The following RAB3GAP1 variants were observed in gnomAD, a reference collection of about 807,000 sequenced individuals.
RAB3GAP1 encodes rab3 GTPase-activating protein catalytic subunit.
RAB3GAP1 carries 86 observed loss-of-function variants against 130.7 expected under a neutral mutation model. That is an observed-to-expected ratio of 0.66 (90% CI 0.55 to 0.79). The LOEUF (loss-of-function observed/expected upper bound fraction) is 0.79, where lower values mean the gene tolerates loss of function less well. Among genes scored for constraint, RAB3GAP1 ranks in the 30% least tolerant of loss-of-function variants. The pLI, the probability that RAB3GAP1 is intolerant of heterozygous loss-of-function variation, is 0.00. For synonymous variants in RAB3GAP1, 367 were observed against 401.7 expected (o/e 0.91, Z 1.03); for missense variants, 1,029 against 1,169.4 (o/e 0.88, Z 1.75).
At chr2:135,074,203 C>T (rs946418854) in intron 3 of RAB3GAP1, among the ~76,000 whole-genome samples, 4 of 152,132 alleles carry the variant, frequency 2.6e-5, no homozygotes, top group Admixed American at 6.5e-5. Context: ...GGCTGCCTTA[C>T]GTGGGAGAAT....
At chr2:135,079,779 A>T (rs567325122) in intron 3 of RAB3GAP1, among the ~76,000 whole-genome samples, 2 of 152,348 alleles carry the variant, frequency 1.3e-5, no homozygotes, top group East Asian at 3.9e-4. Context: ...TCATTTTACC[A>T]CTTAATAGTT....
chr2:135,102,379 T>C (rs942274949), intron 5 of RAB3GAP1, among the ~76,000 whole-genome samples: 6 of 152,258 alleles, frequency 3.9e-5, no homozygotes, highest in Admixed American at 6.5e-5. Context: ...TTGTGAGACC[T>C]GTTTCAGACT....
At chr2:135,141,094 CT>C (rs776446749) in intron 17 of RAB3GAP1, among the ~76,000 whole-genome samples, 4 of 151,030 alleles carry the variant, frequency 2.6e-5, no homozygotes, top group Non-Finnish European at 5.9e-5. Flanking sequence ...TGTTCAAGGC[CT>C]TTGCCTATTT....
chr2:135,081,327 AATATAT>A (rs1214688390), intron 3 of RAB3GAP1, among the ~76,000 whole-genome samples: 47 of 64,046 alleles, frequency 7.3e-4, no homozygotes, highest in South Asian at 6.6e-3. Flanking sequence ...AAAAAAAAAA[AATATAT>A]ATATATATAT....
At chr2:135,152,941 A>C (rs1291989780) in intron 18 of RAB3GAP1, 1 of 152,270 alleles carries the variant, frequency 6.6e-6, no homozygotes, top group East Asian at 1.9e-4. Flanking sequence ...CATCATCATT[A>C]ATTCTATAGA....
chr2:135,072,068 A>G (rs1161871546), intron 3 of RAB3GAP1, among the ~76,000 whole-genome samples: 1 of 152,168 alleles, frequency 6.6e-6, no homozygotes, highest in African/African-American at 2.4e-5. Flanking sequence ...GTGCACCACC[A>G]TGCCTGGCTA....
At chr2:135,176,216 G>T (rs1227883181) in intron 24 of RAB3GAP1, 1 of 152,076 alleles carries the variant, frequency 6.6e-6, no homozygotes, top group Non-Finnish European at 1.5e-5. Context: ...TAAAAGTATG[G>T]TACTACCCTA....
At chr2:135,083,767 GT>G (rs34087354) in intron 3 of RAB3GAP1, among the ~76,000 whole-genome samples, 12,939 of 98,120 alleles carry the variant, frequency 0.13, 979 homozygotes, top group African/African-American at 0.29. Context: ...ACCCAACACG[GT>G]TTTTTTTTTT....
rs759988948 is a variant in RAB3GAP1, at chr2:135,126,686, T to TA, written c.973+31dup. On this transcript the variant is annotated intron_variant, in intron 11 of 23. Coordinates refer to ENST00000264158, the MANE Select transcript of RAB3GAP1 (RefSeq NM_012233.3). ...GGTATATTATGCTCCTTTCCTGAAA[T>TA]ACTGCTGATCTGCCTAACTTCCAAA... 4.5e-6 allele frequency: 7 copies of TA among 1,548,780 alleles called. No individual in the cohort carries two copies. The South Asian group carries it at 6.7e-5, about 15-fold the overall frequency.
At chr2:135,105,925 C>T (rs1182552007) in intron 5 of RAB3GAP1, among the ~76,000 whole-genome samples, 2 of 150,578 alleles carry the variant, frequency 1.3e-5, no homozygotes, top group Non-Finnish European at 3.0e-5. Flanking sequence ...CCGGCCGCCC[C>T]GTCTGAGAAG....
At chr2:135,114,002 G>A (rs985478129) in intron 6 of RAB3GAP1, among the ~76,000 whole-genome samples, 6 of 152,088 alleles carry the variant, frequency 3.9e-5, no homozygotes, top group Admixed American at 2.6e-4. Flanking sequence ...CGCCCGCCGC[G>A]GCCTTCCAGA....
At chr2:135,155,689 CAT>C (rs979678115) in intron 19 of RAB3GAP1, among the ~76,000 whole-genome samples, 4 of 151,978 alleles carry the variant, frequency 2.6e-5, no homozygotes, top group Non-Finnish European at 5.9e-5. Context: ...AGGATGAAAA[CAT>C]ATGAACCTAT....
chr2:135,083,103 C>T (rs1467363540), intron 3 of RAB3GAP1, among the ~76,000 whole-genome samples: 8 of 149,150 alleles, frequency 5.4e-5, no homozygotes, highest in Non-Finnish European at 1.2e-4. Flanking sequence ...TGAATATTTT[C>T]AACCCACAGT....
intron 3 of RAB3GAP1, among the ~76,000 whole-genome samples, chr2:135,062,681 A>G (rs1689210030): frequency 6.6e-6 from 1 of 152,148 alleles, no homozygotes; most frequent in Non-Finnish European, 1.5e-5. Context: ...CTCTCCATTT[A>G]TTTAGGTCAT....
intron 9 of RAB3GAP1, among the ~76,000 whole-genome samples, chr2:135,124,869 G>C (rs753262418): frequency 4.6e-5 from 7 of 152,108 alleles, no homozygotes; most frequent in Non-Finnish European, 7.4e-5. Flanking sequence ...AATAGAGACT[G>C]TGCATGGTTC....
rs1412058174 is a variant in RAB3GAP1 at position 135,129,742 on chromosome 2, A to AT, written c.974-246dup. On this transcript the variant is annotated intron_variant, in intron 11 of 23. Coordinates refer to ENST00000264158, the MANE Select transcript of RAB3GAP1 (RefSeq NM_012233.3). The stretch of plus-strand genomic sequence containing the variant: ...ATAGTAAGTACTATTAGGTACAGTT[A>AT]TTTTTTTCTTTCCTTCTAGATGGAA... 4.6e-5 allele frequency among the ~76,000 whole-genome samples: 7 copies of AT among 152,064 alleles called. No homozygotes were observed. In the East Asian group the frequency reaches 1.4e-3, roughly 29 times the overall value.
chr2:135,137,020 T>C (rs1207435268), intron 17 of RAB3GAP1: 1 of 238,088 alleles, frequency 4.2e-6, no homozygotes, highest in Non-Finnish European at 8.4e-6. Flanking sequence ...AGCCCAGGAG[T>C]TGGAGGCTGC....
intron 3 of RAB3GAP1, among the ~76,000 whole-genome samples, chr2:135,077,143 G>A (rs569363135): frequency 2.0e-5 from 3 of 152,186 alleles, no homozygotes; most frequent in East Asian, 1.9e-4. Flanking sequence ...GGTGGCTCAC[G>A]CCTGTGGTCC....
intron 17 of RAB3GAP1, among the ~76,000 whole-genome samples, chr2:135,139,652 A>G (rs538062953): frequency 1.4e-4 from 21 of 152,248 alleles, no homozygotes; most frequent in African/African-American, 4.8e-4. Flanking sequence ...AGATACAGAA[A>G]ATTCCCATCA....
Sources: gnomAD v4.1 joint callset for allele counts (sites outside exome capture counted in the v4.1 genomes callset) on GRCh38, gnomAD v4.1.1 for gene constraint, MANE v1.5 for transcripts, NCBI Gene and HGNC (gene_info 2026-07-23, HGNC 2026-07-21) for gene names.